Variants in SPTBN1 observed in about 807,000 individuals in gnomAD.
SPTBN1 encodes spectrin beta, non-erythrocytic 1, also known as spectrin beta chain, non-erythrocytic 1.
In SPTBN1, 32 loss-of-function variants were observed where a neutral mutation model predicts 266.4. The observed-to-expected ratio is 0.12, with a 90% CI of 0.09 to 0.16. The LOEUF is 0.16. Ranked by LOEUF, SPTBN1 falls within the 10% of genes least tolerant of loss-of-function variation. The pLI is 1.00. For missense variants in SPTBN1, 2,296 were observed against 3,067.1 expected (o/e 0.75, Z 5.94); for synonymous variants, 1,336 against 1,162.2 (o/e 1.15, Z -3.04).
At chr2:54,584,958 G>C (rs60616308) in intron 2 of SPTBN1, among the ~76,000 whole-genome samples, 10,661 of 152,162 alleles carry the variant, frequency 0.07, 1,215 homozygotes, top group African/African-American at 0.23. Flanking sequence ...TGGGAGGCTT[G>C]CAAGTGGATG....
rs1014202719 is a variant in SPTBN1 at position 54,646,261 on chromosome 2, T to C, written c.4652T>C (p.Ile1551Thr). The C allele has an allele frequency of 1.9e-6, 3 of 1,614,066 alleles. No individual in the cohort carries two copies. The African/African-American group carries it at 4.0e-5, about 22-fold the overall frequency. Residue 1551 changes from isoleucine to threonine, a missense_variant, in exon 23 of 36, where the codon ATC (isoleucine) becomes ACC (threonine). Ile to Thr is a moderately conservative substitution (Grantham distance 89, BLOSUM62 -1). Transcript: ENST00000356805. This position sits in a 1 kb window ranked among gnomAD's most constrained non-coding sequence, Gnocchi z 4.4. ...IDDIFERSQN[I>T]VTDSSSLSAE... is the part of the protein sequence containing the mutation. Reference sequence around the variant, plus strand: ...GACATCTTTGAGAGGAGCCAAAACATCGTCACTGACAGCAGCAGCCTCAGC... The same window carrying C: ...GACATCTTTGAGAGGAGCCAAAACACCGTCACTGACAGCAGCAGCCTCAGC...
chr2:54,637,599 A>C, intron 17 of SPTBN1, 114 bp from the exon 18 acceptor site: 1 of 824,366 alleles, frequency 1.2e-6, no homozygotes, highest in East Asian at 2.7e-5. Flanking sequence ...TGAGAACTGC[A>C]AGCAAACTCT....
intron 1 of SPTBN1, among the ~76,000 whole-genome samples, chr2:54,501,695 C>T (rs1371668868): frequency 3.3e-5 from 5 of 152,180 alleles, no homozygotes; most frequent in Non-Finnish European, 5.9e-5. Flanking sequence ...TGCTCCTTGA[C>T]ATGGCGGGTC....
intron 5 of SPTBN1, among the ~76,000 whole-genome samples, 159 bp downstream of exon 5, chr2:54,616,457 A>G (rs1677619969): frequency 1.3e-5 from 2 of 152,246 alleles, no homozygotes; most frequent in South Asian, 4.1e-4. Flanking sequence ...ATTAGCTCTC[A>G]GAATGAAAGG....
Position 54,558,400 on chromosome 2 carries a change from C to T in SPTBN1, c.148+31834C>T. 2 of 1,013,722 alleles carry T rather than the reference C, an allele frequency of 2.0e-6. No individual in the cohort carries two copies. Among genetic ancestry groups the T allele is most frequent in the Non-Finnish European group, 2.4e-6 (2 of 848,370 alleles). 62.8% of individuals were successfully genotyped at this position (1,013,722 alleles called of 1,614,324 possible). ...CCGCGGGCAGCTGGGAGGAGGTGTGCGCGCTGCGCCCGCGAGCTCCCGGGC... is the reference window on the plus strand; with the variant it reads ...CCGCGGGCAGCTGGGAGGAGGTGTGTGCGCTGCGCCCGCGAGCTCCCGGGC... On this transcript the variant is annotated intron_variant, in intron 2 of 35. Transcript: ENST00000356805. The surrounding 1 kb of genome is among the most constrained non-coding windows in gnomAD (Gnocchi z 4.6).
chr2:54,471,087 T>C (rs1693896510), intron 1 of SPTBN1, among the ~76,000 whole-genome samples: 1 of 152,172 alleles, frequency 6.6e-6, no homozygotes, highest in Non-Finnish European at 1.5e-5. Flanking sequence ...CAATTAATAA[T>C]CTTCAAAATG....
At chr2:54,501,940 T>G (rs1669292293) in intron 1 of SPTBN1, among the ~76,000 whole-genome samples, 1 of 152,212 alleles carries the variant, frequency 6.6e-6, no homozygotes, top group Non-Finnish European at 1.5e-5. Context: ...TGAAAATTTG[T>G]GTTGGGAGGT....
At chr2:54,565,301 A>C (rs1649368443) in intron 2 of SPTBN1, among the ~76,000 whole-genome samples, 2 of 152,232 alleles carry the variant, frequency 1.3e-5, no homozygotes, top group Admixed American at 1.3e-4. Context: ...TTCTTATAGA[A>C]GAATGAAGAG....
At chr2:54,474,623 A>C (rs774790990) in intron 1 of SPTBN1, among the ~76,000 whole-genome samples, 14 of 152,216 alleles carry the variant, frequency 9.2e-5, no homozygotes, top group Non-Finnish European at 1.9e-4. Flanking sequence ...AATACCTTCT[A>C]ATAACATGGG....
At position 54,629,299 on chromosome 2, in the gene SPTBN1, T is replaced by A. The variant is rs1259642051; in HGVS notation, c.2165T>A (p.Ile722Asn). Residue 722 changes from isoleucine (I) to asparagine (N), a missense_variant, in exon 14 of 36, where the codon ATC becomes AAC. By Grantham distance (149) the Ile-to-Asn change is moderately radical. This residue lies in a region of SPTBN1 where 434 missense variants were observed against 573.9 expected (regional missense o/e 0.76). Transcript: ENST00000356805. ...AAGATCCGTGAGAGGATCATTTACATCCGGGAGCAGTGGGCCAACCTAGAG... is the reference window on the plus strand; with the variant it reads ...AAGATCCGTGAGAGGATCATTTACAACCGGGAGCAGTGGGCCAACCTAGAG... The part of the protein sequence containing the change: ...SEKIRERIIY[I>N]REQWANLEQL... The A allele has an allele frequency of 1.4e-5, 22 of 1,614,004 alleles. No individual in the cohort carries two copies. Among genetic ancestry groups the A allele is most frequent in the Non-Finnish European group, 1.8e-5 (21 of 1,180,022 alleles).
intron 1 of SPTBN1, among the ~76,000 whole-genome samples, chr2:54,505,475 T>C (rs1360282576): frequency 2.0e-5 from 3 of 152,222 alleles, no homozygotes; most frequent in Admixed American, 1.3e-4. Context: ...CTCTAGCTGT[T>C]AGAAAGTACC....
intron 16 of SPTBN1, 89 bp downstream of exon 16, chr2:54,631,700 C>G (rs1448504956): frequency 6.8e-7 from 1 of 1,480,598 alleles, no homozygotes; most frequent in African/African-American, 1.4e-5. Flanking sequence ...CTGGTTTAAA[C>G]CACACCTGTA....
intron 1 of SPTBN1, among the ~76,000 whole-genome samples, chr2:54,485,246 A>T (rs913726595): frequency 1.3e-5 from 2 of 150,462 alleles, no homozygotes; most frequent in Non-Finnish European, 3.0e-5. Flanking sequence ...GCCAAGCCGA[A>T]GCTGGACTGT....
At chr2:54,668,140 C>T (rs1442573037) in intron 35 of SPTBN1, among the ~76,000 whole-genome samples, 1 of 152,236 alleles carries the variant, frequency 6.6e-6, no homozygotes, top group Non-Finnish European at 1.5e-5. Context: ...GGGCCACATA[C>T]TAGGGTGATG....
chr2:54,473,785 A>G (rs1451522576), intron 1 of SPTBN1, among the ~76,000 whole-genome samples: 2 of 152,214 alleles, frequency 1.3e-5, no homozygotes, highest in Admixed American at 6.5e-5. Flanking sequence ...TTTCTGGATT[A>G]TTGTCTGAAT....
Position 54,668,388 on chromosome 2 carries a change from C to T in SPTBN1, c.6914C>T (p.Ala2305Val). 6.2e-7 allele frequency: 1 copy of T among 1,614,190 alleles called. No homozygotes were observed. The highest frequency in any genetic ancestry group is 8.5e-7 in the Non-Finnish European group (1 of 1,180,038). Residue 2305 changes from alanine (A) to valine (V), a missense_variant, in exon 36 of 36, where the codon GCC becomes GTC. Around this residue, in one of 12 missense-constraint regions of SPTBN1, gnomAD observed 347 missense variants for 368.5 expected, o/e 0.94. Transcript: ENST00000356805. The stretch of plus-strand genomic sequence containing the variant: ...ACATGGATCCAGGCTATCTCTTCCG[C>T]CATCTCCTCTGATAAACACGAGGTG... ...MNTWIQAISS[A>V]ISSDKHEVSA... is the part of the protein sequence containing the mutation.
intron 29 of SPTBN1, among the ~76,000 whole-genome samples, chr2:54,657,024 G>A (rs1355966541): frequency 1.3e-5 from 2 of 152,216 alleles, no homozygotes; most frequent in Non-Finnish European, 1.5e-5. Flanking sequence ...AGCTCCTTGG[G>A]ACACCAACGC....
intron 2 of SPTBN1, among the ~76,000 whole-genome samples, chr2:54,571,399 A>C (rs993530960): frequency 2.0e-5 from 3 of 152,062 alleles, no homozygotes; most frequent in African/African-American, 7.3e-5. Flanking sequence ...TATTAAGAGG[A>C]TGACGAGTTC....
chr2:54,590,718 T>C (rs928829316), intron 2 of SPTBN1, among the ~76,000 whole-genome samples: 1 of 152,156 alleles, frequency 6.6e-6, no homozygotes, highest in Non-Finnish European at 1.5e-5. Context: ...AGGTGAGAGT[T>C]CAGAGCATGA....
Sources: allele counts gnomAD v4.1 joint callset (sites outside exome capture counted in the v4.1 genomes callset), GRCh38; gene constraint gnomAD v4.1.1; regional missense constraint gnomAD v4.1.1; non-coding constraint Gnocchi (gnomAD v3.1); transcripts MANE v1.5; gene names NCBI Gene and HGNC (gene_info 2026-07-23, HGNC 2026-07-21).